The following AOAH variants were observed in gnomAD, a reference collection of about 807,000 sequenced individuals.
The protein encoded by AOAH is acyloxyacyl hydrolase (neutrophil).
Under a neutral mutation model 92.2 loss-of-function variants are expected in AOAH, and 64 were observed. The ratio of observed to expected loss-of-function variants is 0.69; its 90% CI spans 0.57 to 0.86. The LOEUF is 0.86. AOAH is among the 40% of genes least tolerant of loss of function. The pLI, the probability that AOAH is intolerant of heterozygous loss-of-function variation, is 0.00. For missense variants in AOAH, 656 were observed against 694.6 expected (o/e 0.94, Z 0.62); for synonymous variants, 263 against 254.5 (o/e 1.03, Z -0.32).
chr7:36,572,563 A>G (rs1437705266), intron 13 of AOAH, among the ~76,000 whole-genome samples: 4 of 152,008 alleles, frequency 2.6e-5, no homozygotes, highest in Admixed American at 6.6e-5. Context: ...AGAAAAAACA[A>G]ATGGTTTTCA....
chr7:36,553,619 C>T (rs1373899965), intron 13 of AOAH, among the ~76,000 whole-genome samples: 2 of 152,030 alleles, frequency 1.3e-5, no homozygotes, highest in Non-Finnish European at 1.5e-5. Context: ...TAAAAGTGTT[C>T]CTATTTCTCC....
At chr7:36,622,799 A>G (rs1039896556) in intron 7 of AOAH, among the ~76,000 whole-genome samples, 2 of 152,088 alleles carry the variant, frequency 1.3e-5, no homozygotes, top group African/African-American at 4.8e-5. Context: ...TAATCCCAGC[A>G]CTTTGGGAGG....
At chr7:36,673,838 C>T (rs928293959) in intron 3 of AOAH, 105 bp downstream of exon 3, 1 of 744,808 alleles carries the variant, frequency 1.3e-6, no homozygotes, top group Non-Finnish European at 2.3e-6. Context: ...CGAGCCCTGT[C>T]CAGAAAGCGC....
chr7:36,593,205 T>C (rs1316943758), intron 12 of AOAH, among the ~76,000 whole-genome samples: 5 of 152,242 alleles, frequency 3.3e-5, no homozygotes, highest in Non-Finnish European at 1.5e-5. Context: ...ACTACAAAGA[T>C]GGGACAAGCC....
chr7:36,558,261 G>T (rs1488273607), intron 13 of AOAH, among the ~76,000 whole-genome samples: 1 of 152,212 alleles, frequency 6.6e-6, no homozygotes, highest in African/African-American at 2.4e-5. Flanking sequence ...TCCAGACCCT[G>T]TTTGCCTGGG....
intron 13 of AOAH, among the ~76,000 whole-genome samples, chr7:36,553,614 G>T (rs901796780): frequency 1.3e-5 from 2 of 152,058 alleles, no homozygotes; most frequent in Non-Finnish European, 1.5e-5. Context: ...CAGTGTAAAA[G>T]TGTTCCTATT....
Position 36,674,023 on chromosome 7 carries a change from A to G in AOAH, c.224-14T>C, listed in dbSNP as rs555982171. On this transcript the variant is annotated splice_polypyrimidine_tract_variant and intron_variant, in intron 2 of 20. Coordinates refer to ENST00000617537, the MANE Select transcript of AOAH (RefSeq NM_001637.4). ...AGAACAGTTTTTCTAAAAAATATAA[A>G]GAGGGAAATTGAATATATTTTTATT... 13 of 1,517,572 alleles carry G rather than the reference A, an allele frequency of 8.6e-6. No individual in the cohort carries two copies. The East Asian group carries it at 2.9e-4, about 34-fold the overall frequency. 94.0% of individuals were successfully genotyped at this position (1,517,572 alleles called of 1,614,324 possible).
chr7:36,641,416 C>T (rs999941981), intron 4 of AOAH, among the ~76,000 whole-genome samples: 2 of 152,136 alleles, frequency 1.3e-5, no homozygotes, highest in African/African-American at 2.4e-5. Flanking sequence ...GCAGGGGCTT[C>T]GGGCTCTGGG....
chr7:36,652,363 T>G (rs1339057851), intron 4 of AOAH, among the ~76,000 whole-genome samples: 1 of 152,206 alleles, frequency 6.6e-6, no homozygotes, highest in Non-Finnish European at 1.5e-5. Flanking sequence ...CTAATATAAA[T>G]AAATGATTGG....
chr7:36,586,482 T>C (rs1275544445), intron 12 of AOAH, among the ~76,000 whole-genome samples: 2 of 152,222 alleles, frequency 1.3e-5, no homozygotes, highest in African/African-American at 4.8e-5. Context: ...CCTCCAGGAC[T>C]GTAAGCCCTT....
At chr7:36,644,750 T>TAACA (rs1352882021) in intron 4 of AOAH, among the ~76,000 whole-genome samples, 1 of 152,212 alleles carries the variant, frequency 6.6e-6, no homozygotes, top group Non-Finnish European at 1.5e-5. Flanking sequence ...AGTTCTCTGT[T>TAACA]ATCAATTATA....
At chr7:36,593,906 T>C (rs540201452) in intron 12 of AOAH, among the ~76,000 whole-genome samples, 1 of 152,314 alleles carries the variant, frequency 6.6e-6, no homozygotes, top group Non-Finnish European at 1.5e-5. Context: ...ATTGGGTTTG[T>C]GTGTCATTCA....
chr7:36,525,929 A>G (rs1784374788), intron 19 of AOAH, among the ~76,000 whole-genome samples: 2 of 152,202 alleles, frequency 1.3e-5, no homozygotes, highest in East Asian at 3.8e-4. Flanking sequence ...ACTCAGGAGA[A>G]AAAGCACAAA....
At chr7:36,523,628 T>TG in intron 19 of AOAH, among the ~76,000 whole-genome samples, 1 of 77,714 alleles carries the variant, frequency 1.3e-5, no homozygotes, top group African/African-American at 4.5e-5. Flanking sequence ...CTGTTTTGCC[T>TG]GTTTTTTTTT....
chr7:36,652,614 C>G (rs1409966795), intron 4 of AOAH, among the ~76,000 whole-genome samples: 3 of 152,198 alleles, frequency 2.0e-5, no homozygotes, highest in Non-Finnish European at 4.4e-5. Context: ...GGTGATCTCA[C>G]CAGCAATGCC....
intron 19 of AOAH, among the ~76,000 whole-genome samples, chr7:36,524,065 A>G (rs1562532641): frequency 1.3e-5 from 2 of 152,132 alleles, no homozygotes; most frequent in Non-Finnish European, 2.9e-5. Flanking sequence ...CAGAGATGAC[A>G]TCATCTCCAT....
intron 4 of AOAH, among the ~76,000 whole-genome samples, chr7:36,647,837 C>CTTT (rs200177551): frequency 6.9e-6 from 1 of 145,308 alleles, no homozygotes; most frequent in Non-Finnish European, 1.5e-5. Context: ...CCTTAGAGTT[C>CTTT]TTTTTTTTTT....
intron 12 of AOAH, among the ~76,000 whole-genome samples, chr7:36,578,132 A>T (rs1245994562): frequency 6.6e-6 from 1 of 152,194 alleles, no homozygotes; most frequent in Non-Finnish European, 1.5e-5. Context: ...TGAATAATGT[A>T]TTTATTTTTT....
intron 1 of AOAH, among the ~76,000 whole-genome samples, chr7:36,712,955 T>C (rs955194113): frequency 2.0e-5 from 3 of 152,130 alleles, no homozygotes; most frequent in African/African-American, 7.2e-5. Flanking sequence ...AATATCATAA[T>C]GACAGGATCA....
Sources: gnomAD v4.1 joint callset for allele counts (sites outside exome capture counted in the v4.1 genomes callset) on GRCh38, gnomAD v4.1.1 for gene constraint, MANE v1.5 for transcripts, NCBI Gene and HGNC (gene_info 2026-07-23, HGNC 2026-07-21) for gene names.